Variants in GLG1 observed in about 807,000 individuals in gnomAD.
GLG1 encodes the protein Golgi apparatus protein 1.
A neutral mutation model predicts 160.5 loss-of-function variants in GLG1; 38 were observed. The observed-to-expected ratio is 0.24, with a 90% CI of 0.18 to 0.31. The LOEUF is 0.31. Among genes scored for constraint, GLG1 ranks in the 10% least tolerant of loss-of-function variants. The pLI, the probability that GLG1 is intolerant of heterozygous loss-of-function variation, is 1.00. For missense variants in GLG1, 1,373 were observed against 1,505.2 expected, an observed-to-expected ratio of 0.91 and a Z score of 1.45; for synonymous variants, 644 against 543.4, an observed-to-expected ratio of 1.19 and a Z score of -2.57.
chr16:74,491,691 T>A (rs1213332798), intron 7 of GLG1, among the ~76,000 whole-genome samples: 1 of 12,544 alleles, frequency 8.0e-5, no homozygotes, highest in African/African-American at 1.3e-4. Context: ...CAGGCTGGAG[T>A]GCAGCGCGCG....
intron 3 of GLG1, 125 bp downstream of exon 3, chr16:74,508,714 T>C: frequency 1.7e-6 from 1 of 582,068 alleles, no homozygotes; most frequent in Non-Finnish European, 3.1e-6. Context: ...CTTCCTAATT[T>C]TCAACCAAGA....
chr16:74,527,518 G>A lies in GLG1; in HGVS notation c.471+4603C>T, dbSNP rs570750222. ...ACCCACCTCAGCCTCCCAAAGTGCT[G>A]GGATTACAGGCGTGAGCCACCACGC... On this transcript the variant is annotated intron_variant, in intron 2 of 25. Coordinates refer to ENST00000422840, the MANE Select transcript of GLG1 (RefSeq NM_001145667.2). Among the ~76,000 whole-genome samples, 4 of 152,006 alleles carry A rather than the reference G, an allele frequency of 2.6e-5. No individual in the cohort carries two copies. The South Asian group carries it at 8.3e-4, about 32-fold the overall frequency.
intron 1 of GLG1, among the ~76,000 whole-genome samples, chr16:74,571,232 A>G (rs867141210): frequency 2.0e-5 from 3 of 152,092 alleles, no homozygotes; most frequent in African/African-American, 7.2e-5. Context: ...GGTCTGTCCA[A>G]CCCACAGCTG....
At chr16:74,591,235 G>A (rs992512244) in intron 1 of GLG1, among the ~76,000 whole-genome samples, 2 of 152,022 alleles carry the variant, frequency 1.3e-5, no homozygotes, top group Non-Finnish European at 2.9e-5. Flanking sequence ...GGAGGCTGAC[G>A]CAGAAGAATC....
chr16:74,490,968 A>G, intron 8 of GLG1, 33 bp downstream of exon 8: 5 of 1,452,768 alleles, frequency 3.4e-6, no homozygotes, highest in Non-Finnish European at 4.8e-6. Context: ...GATAAATGTG[A>G]CATTCAAAAT....
intron 1 of GLG1, among the ~76,000 whole-genome samples, chr16:74,598,340 T>C (rs1219289069): frequency 6.6e-6 from 1 of 150,766 alleles, no homozygotes; most frequent in Non-Finnish European, 1.5e-5. Flanking sequence ...GCCAACATGG[T>C]GAAACCCCGT....
Position 74,494,774 on chromosome 16 carries a change from A to G in GLG1, c.1036T>C (p.Ser346Pro). The change falls in exon 6 of 26, where the codon TCC (serine) becomes CCC (proline). Residue 346 changes from serine to proline, a missense_variant. Physicochemically the swap from Ser to Pro is moderately conservative, Grantham distance 74. Around this residue, in one of 4 missense-constraint regions of GLG1, gnomAD observed 174 missense variants for 229.9 expected, o/e 0.76. Transcript: ENST00000422840. ...ATAATACTTACCTTTTCACTCATGG[A>G]TTCTTCAAATTTATGGTTAAAGAGG... ...KCLFNHKFEE[S>P]MSEKCREALT... 7.0e-7 allele frequency: 1 copy of G among 1,430,856 alleles called. No individual in the cohort carries two copies. The highest frequency in any genetic ancestry group is 9.9e-7 in the Non-Finnish European group (1 of 1,013,510). 88.6% of individuals were successfully genotyped at this position (1,430,856 alleles called of 1,614,324 possible). A position where few individuals can be genotyped will look rare whatever the true frequency, so the allele number is the denominator to read the frequency against.
intron 2 of GLG1, among the ~76,000 whole-genome samples, chr16:74,511,355 A>G (rs2016797230): frequency 1.3e-5 from 2 of 152,206 alleles, no homozygotes; most frequent in Admixed American, 1.3e-4. Context: ...GCTACCATCA[A>G]TAACTGAGTT....
chr16:74,514,396 TC>T (rs2016911957), intron 2 of GLG1, among the ~76,000 whole-genome samples: 1 of 152,102 alleles, frequency 6.6e-6, no homozygotes, highest in Non-Finnish European at 1.5e-5. Context: ...GAGAGAAAGG[TC>T]GGGTTACCCA....
rs1428035277 is a variant in GLG1, at chr16:74,503,656, G to A, written c.649C>T (p.His217Tyr). 2 of 1,610,492 alleles carry A rather than the reference G, an allele frequency of 1.2e-6. No individual in the cohort carries two copies. The highest frequency in any genetic ancestry group is 1.7e-6 in the Non-Finnish European group (2 of 1,176,640). The change falls in exon 4 of 26, where the codon CAC becomes TAC. Residue 217 changes from histidine to tyrosine, a missense_variant. By Grantham distance (83) the His-to-Tyr change is moderately conservative (BLOSUM62 2). Around this residue, in one of 4 missense-constraint regions of GLG1, gnomAD observed 174 missense variants for 229.9 expected, o/e 0.76. Coordinates refer to ENST00000422840, the MANE Select transcript of GLG1 (RefSeq NM_001145667.2). Reference sequence around the variant, plus strand: ...GCCGTCATCTTGGTAATGTACTGGTGACACTGATACTCAGTGATGTTGCCT... The same window carrying A: ...GCCGTCATCTTGGTAATGTACTGGTAACACTGATACTCAGTGATGTTGCCT... The part of the protein sequence containing the change: ...HRGNITEYQC[H>Y]QYITKMTAII...
At chr16:74,456,583 T>A in intron 25 of GLG1, 66 bp downstream of exon 25, 6 of 963,188 alleles carry the variant, frequency 6.2e-6, no homozygotes, top group Non-Finnish European at 1.0e-5. Context: ...AAGGATGACA[T>A]GCAAATTGGT....
chr16:74,575,319 T>C lies in GLG1; in HGVS notation c.438+31338A>G, dbSNP rs2018971296. On this transcript the variant is annotated intron_variant, in intron 1 of 25. Transcript: ENST00000422840. ...AAACTGTCTGAATCACACACTGATTTTGAGATGCACCATTACTTTACGTAC... is the reference window on the plus strand; with the variant it reads ...AAACTGTCTGAATCACACACTGATTCTGAGATGCACCATTACTTTACGTAC... Among the ~76,000 whole-genome samples, 4 of 152,116 alleles carry C rather than the reference T, an allele frequency of 2.6e-5. No individual in the cohort carries two copies. The South Asian group carries it at 6.2e-4, about 24-fold the overall frequency.
chr16:74,533,490 C>T (rs1971071), intron 1 of GLG1, among the ~76,000 whole-genome samples: 102,156 of 152,014 alleles, frequency 0.67, 34,514 homozygotes, highest in East Asian at 0.81. Flanking sequence ...TAAGGCGGCA[C>T]CATTTCCTGG....
At chr16:74,469,169 G>C (rs893644574) in intron 16 of GLG1, 106 bp from the exon 17 acceptor site, 21 of 746,826 alleles carry the variant, frequency 2.8e-5, no homozygotes, top group Non-Finnish European at 4.6e-5. Flanking sequence ...GATGCCCTTT[G>C]GGGGAATGTC....
intron 1 of GLG1, among the ~76,000 whole-genome samples, chr16:74,536,508 A>T (rs1043052787): frequency 6.6e-5 from 10 of 152,226 alleles, no homozygotes; most frequent in African/African-American, 9.7e-5. Flanking sequence ...TTTACAATCC[A>T]GTTATACAGT....
At chr16:74,502,704 C>A (rs534545996) in intron 4 of GLG1, among the ~76,000 whole-genome samples, 35 of 146,846 alleles carry the variant, frequency 2.4e-4, no homozygotes, top group Non-Finnish European at 4.5e-4. Context: ...CCACCACGCC[C>A]GGCTAATTTT....
chr16:74,495,279 A>G (rs1567480443), intron 5 of GLG1, among the ~76,000 whole-genome samples: 1 of 151,958 alleles, frequency 6.6e-6, no homozygotes, highest in Non-Finnish European at 1.5e-5. Context: ...CTGCCCAACT[A>G]ATTTTTTTAT....
intron 7 of GLG1, among the ~76,000 whole-genome samples, chr16:74,492,258 G>GC (rs199498414): frequency 0.013 from 2,006 of 151,554 alleles, 22 homozygotes; most frequent in Middle Eastern, 0.024. Flanking sequence ...AGTGGTGCGT[G>GC]CCTGTAATCC....
chr16:74,561,680 C>T (rs1002125269), intron 1 of GLG1, among the ~76,000 whole-genome samples: 11 of 152,124 alleles, frequency 7.2e-5, no homozygotes, highest in Admixed American at 5.2e-4. Context: ...CCTATGATAA[C>T]CCATTTAATG....
Sources: gnomAD v4.1 joint callset for allele counts (sites outside exome capture counted in the v4.1 genomes callset) on GRCh38, gnomAD v4.1.1 for gene constraint, gnomAD v4.1.1 regional missense constraint, MANE v1.5 for transcripts, NCBI Gene and HGNC (gene_info 2026-07-23, HGNC 2026-07-21) for gene names.